TSPEAR: variants seen among roughly 807,000 people sequenced by gnomAD.
TSPEAR encodes the protein thrombospondin type laminin G domain and EAR repeats.
Under a neutral mutation model 71.6 loss-of-function variants are expected in TSPEAR, and 69 were observed. The ratio of observed to expected loss-of-function variants is 0.96; its 90% CI spans 0.79 to 1.18. TSPEAR has a LOEUF of 1.18. Ranked by LOEUF, TSPEAR falls within the 50% of genes most tolerant of loss-of-function variation. TSPEAR has a pLI of 0.00. For missense variants in TSPEAR, 971 were observed against 894.9 expected (o/e 1.09, Z -1.09); for synonymous variants, 402 against 387.2 (o/e 1.04, Z -0.45).
intron 1 of TSPEAR, among the ~76,000 whole-genome samples, chr21:44,674,576 T>C (rs1187414352): frequency 6.6e-6 from 1 of 151,674 alleles, no homozygotes; most frequent in African/African-American, 2.4e-5. Flanking sequence ...AATTAGCTAG[T>C]TATGGTGGCA....
At chr21:44,574,295 G>A in intron 1 of TSPEAR, 2 of 1,611,022 alleles carry the variant, frequency 1.2e-6, no homozygotes, top group Non-Finnish European at 1.7e-6. Context: ...CTAGCTGTGT[G>A]AGCTGTGTGT....
chr21:44,667,113 C>T (rs1985827057), intron 1 of TSPEAR, among the ~76,000 whole-genome samples: 1 of 152,216 alleles, frequency 6.6e-6, no homozygotes, highest in African/African-American at 2.4e-5. Flanking sequence ...CTTCTTCGAA[C>T]TCTTGGTATG....
At chr21:44,525,546 G>T in intron 8 of TSPEAR, 107 bp downstream of exon 8, 1 of 1,181,124 alleles carries the variant, frequency 8.5e-7, no homozygotes, top group Non-Finnish European at 1.2e-6. Flanking sequence ...ACCCTGTGCT[G>T]CATGTGGCTT....
chr21:44,619,948 G>A (rs1956462895), intron 1 of TSPEAR, among the ~76,000 whole-genome samples: 2 of 152,188 alleles, frequency 1.3e-5, no homozygotes, highest in African/African-American at 2.4e-5. Flanking sequence ...AGTGGGAGCA[G>A]AAAAAATAGT....
rs370656948 is a variant in TSPEAR at position 44,526,982 on chromosome 21, T to C, written c.1149+310A>G. On this transcript the variant is annotated intron_variant, in intron 7 of 11. Coordinates refer to ENST00000323084, the MANE Select transcript of TSPEAR (RefSeq NM_144991.3). ...TCTTTCTGAAACGATTTGTGGGTTC[T>C]TGACCAGCTCATGTAAACACTCTCA... 2.0e-4 allele frequency among the ~76,000 whole-genome samples: 30 copies of C among 152,232 alleles called. No individual in the cohort carries two copies. The East Asian group carries it at 2.7e-3, about 14-fold the overall frequency.
In TSPEAR at chr21:44,531,043, C is replaced by T; in HGVS notation, c.633G>A (p.Met211Ile). The T allele has an allele frequency of 6.2e-7, 1 of 1,613,282 alleles. No individual in the cohort carries two copies. Among genetic ancestry groups the T allele is most frequent in the Non-Finnish European group, 8.5e-7 (1 of 1,179,770 alleles). ...GSRRRAKGLFMGLVRQLVLLP... is the reference protein window; with the variant it reads ...GSRRRAKGLFIGLVRQLVLLP... ...GGGAAGGCAGCCCCTCCATACTCGC[C>T]ATGAACAGGCCTTTGGCTCTCCTCC... Residue 211 changes from methionine (M) to isoleucine (I), a missense_variant and splice_region_variant, in exon 4 of 12, where the codon ATG (methionine) becomes ATA (isoleucine). Met to Ile is a conservative substitution (Grantham distance 10). Coordinates refer to ENST00000323084, the MANE Select transcript of TSPEAR (RefSeq NM_144991.3).
Position 44,591,865 on chromosome 21 carries a change from G to GAAGAATCCCCAC in TSPEAR, c.83-23861_83-23860insGTGGGGATTCTT, listed in dbSNP as rs1569206346. The GAAGAATCCCCAC allele has an allele frequency of 3.1e-6, 5 of 1,608,150 alleles. No homozygotes were observed. The African/African-American group carries it at 4.2e-5, about 13-fold the overall frequency. ...CTGGCAGCTAGACTGCTGGCAGCAT[G>GAAGAATCCCCAC]AGGGTGTGCAGGAGCTGGTGCAGCC... On this transcript the variant is annotated intron_variant, in intron 1 of 11. Transcript: ENST00000323084.
rs782211462 is a variant in TSPEAR, at chr21:44,506,170, C to G, written c.1755-1289G>C. On this transcript the variant is annotated intron_variant, in intron 10 of 11. Coordinates refer to ENST00000323084, the MANE Select transcript of TSPEAR (RefSeq NM_144991.3). The surrounding 1 kb of genome is among the most constrained non-coding windows in gnomAD (Gnocchi z 4.2). ...TGCAAACAAATTTGCTGTGTCCTGT[C>G]TTAGGAGTCTCACCTGAATTTACCA... 2.0e-5 allele frequency among the ~76,000 whole-genome samples: 3 copies of G among 152,220 alleles called. No individual in the cohort carries two copies. The highest frequency in any genetic ancestry group is 4.4e-5 in the Non-Finnish European group (3 of 68,040).
chr21:44,663,764 G>T lies in TSPEAR; in HGVS notation c.82+47669C>A, dbSNP rs146145567. On this transcript the variant is annotated intron_variant, in intron 1 of 11. Coordinates refer to ENST00000323084, the MANE Select transcript of TSPEAR (RefSeq NM_144991.3). ...CAGAAATATGTAAAAGAGATAAAAG[G>T]TCGTGATCATGTGAGATTTATCCCA... Among the ~76,000 whole-genome samples, 277 of 152,078 alleles carry T rather than the reference G, an allele frequency of 1.8e-3. 3 individuals carry two copies. The highest frequency in any genetic ancestry group is 6.5e-3 in the African/African-American group (268 of 41,512).
intron 2 of TSPEAR, among the ~76,000 whole-genome samples, chr21:44,552,022 G>A (rs587731669): frequency 6.6e-6 from 1 of 152,356 alleles, no homozygotes; most frequent in African/African-American, 2.4e-5. Context: ...AGGACAGGGA[G>A]GACCTCCCCT....
At chr21:44,563,596 A>C (rs901972741) in intron 2 of TSPEAR, among the ~76,000 whole-genome samples, 3 of 152,040 alleles carry the variant, frequency 2.0e-5, no homozygotes, top group South Asian at 2.1e-4. Context: ...GACAAAAAAA[A>C]CCCATAAACC....
Position 44,509,334 on chromosome 21 carries a change from A to T in TSPEAR, c.1619T>A (p.Leu540His). ...GTAGCTGTGACTGTTTGCCACAGCGAGGAAGATCCTCTCCCCGATCTGGAA... is the reference window on the plus strand; with the variant it reads ...GTAGCTGTGACTGTTTGCCACAGCGTGGAAGATCCTCTCCCCGATCTGGAA... ...EVFQIGERIF[L>H]AVANSHSYDV... Residue 540 changes from leucine to histidine, a missense_variant, in exon 10 of 12, where the codon CTC (leucine) becomes CAC (histidine). Transcript: ENST00000323084. The T allele has an allele frequency of 6.2e-7, 1 of 1,613,980 alleles. No homozygotes were observed.
In TSPEAR at chr21:44,623,422, T is replaced by C. The variant is rs182807210; in HGVS notation, c.83-55417A>G. On this transcript the variant is annotated intron_variant, in intron 1 of 11. Coordinates refer to ENST00000323084, the MANE Select transcript of TSPEAR (RefSeq NM_144991.3). This position sits in a 1 kb window ranked among gnomAD's most constrained non-coding sequence, Gnocchi z 4.5. ...CCCCCTCCTGAATTTTGTGATCTTC[T>C]TGCCATGTATTTCATTTCTATAAAT... 1.5e-3 allele frequency among the ~76,000 whole-genome samples: 234 copies of C among 152,372 alleles called. 2 individuals are homozygous for C. Among genetic ancestry groups the C allele is most frequent in the Middle Eastern group, 6.8e-3 (2 of 294 alleles).
At chr21:44,669,485 C>T (rs1330341054) in intron 1 of TSPEAR, among the ~76,000 whole-genome samples, 2 of 152,202 alleles carry the variant, frequency 1.3e-5, no homozygotes, top group Non-Finnish European at 2.9e-5. Flanking sequence ...GCTACAAACA[C>T]AGAGCCTCCT....
intron 1 of TSPEAR, chr21:44,591,136 C>T (rs1979781932): frequency 3.3e-6 from 2 of 607,552 alleles, no homozygotes; most frequent in Admixed American, 3.0e-5. Context: ...TTTATTAGAA[C>T]TAGAGGGGGT....
chr21:44,551,851 A>C (rs1555919125), intron 2 of TSPEAR, among the ~76,000 whole-genome samples: 1 of 151,890 alleles, frequency 6.6e-6, no homozygotes. Flanking sequence ...GGCCCGGGGG[A>C]GGCCCAGCCT....
At chr21:44,704,896 C>G (rs940420358) in intron 1 of TSPEAR, among the ~76,000 whole-genome samples, 2 of 152,130 alleles carry the variant, frequency 1.3e-5, no homozygotes, top group African/African-American at 4.8e-5. Context: ...AGTTTAACTA[C>G]AAAGGAGCCC....
At chr21:44,600,881 C>A in intron 1 of TSPEAR, 18 of 1,611,484 alleles carry the variant, frequency 1.1e-5, no homozygotes, top group Non-Finnish European at 1.5e-5. Context: ...TCCTGCACGC[C>A]CTCGTGCTGC....
intron 2 of TSPEAR, chr21:44,539,270 C>T: frequency 6.3e-7 from 1 of 1,598,088 alleles, no homozygotes; most frequent in Non-Finnish European, 8.5e-7. Context: ...GGGTGCCCAT[C>T]AGCAGCTGGA....
Sources: allele counts gnomAD v4.1 joint callset (sites outside exome capture counted in the v4.1 genomes callset), GRCh38; gene constraint gnomAD v4.1.1; non-coding constraint Gnocchi (gnomAD v3.1); transcripts MANE v1.5; gene names NCBI Gene and HGNC (gene_info 2026-07-23, HGNC 2026-07-21).